The following LIPJ variants were observed in gnomAD, a reference collection of about 807,000 sequenced individuals.
LIPJ encodes the protein lipase member J.
LIPJ carries 33 observed loss-of-function variants against 39.8 expected under a neutral mutation model. The observed-to-expected ratio is 0.83, with a 90% confidence interval of 0.63 to 1.11. The LOEUF is 1.11. Ranked by LOEUF, LIPJ falls within the 50% of genes least tolerant of loss-of-function variation. The pLI, the probability that LIPJ is intolerant of heterozygous loss-of-function variation, is 0.00. For missense variants in LIPJ, 422 were observed against 427.9 expected, an observed-to-expected ratio of 0.99 and a Z score of 0.12; for synonymous variants, 128 against 139.2, an observed-to-expected ratio of 0.92 and a Z score of 0.57.
Position 88,596,272 on chromosome 10 carries a change from T to A in LIPJ, c.440-8T>A. Reference sequence around the variant, plus strand: ...TAGCTTACTAATTTATATCTTATTTTATTTTAGGTTTCATAACATTTTCTA... The same window carrying A: ...TAGCTTACTAATTTATATCTTATTTAATTTTAGGTTTCATAACATTTTCTA... On this transcript the variant is annotated splice_polypyrimidine_tract_variant and splice_region_variant and intron_variant, in intron 6 of 10. Transcript: ENST00000371939. 1 of 1,347,530 alleles carries A rather than the reference T, an allele frequency of 7.4e-7. No individual in the cohort carries two copies. Among genetic ancestry groups the A allele is most frequent in the Non-Finnish European group, 9.8e-7 (1 of 1,019,212 alleles). 83.5% of individuals were successfully genotyped at this position (1,347,530 alleles called of 1,614,324 possible). A position where few individuals can be genotyped will look rare whatever the true frequency, so the allele number is the denominator to read the frequency against.
intron 1 of LIPJ, 76 bp downstream of exon 1, chr10:88,586,921 T>A (rs1850933041): frequency 6.6e-6 from 1 of 152,210 alleles, no homozygotes; most frequent in Non-Finnish European, 1.5e-5. Context: ...TGTCTTCTTT[T>A]GAGACCTAAC....
chr10:88,617,183 G>A, the LIPJ span, among the ~76,000 whole-genome samples: 4 of 152,112 alleles, frequency 2.6e-5, no homozygotes, highest in South Asian at 2.1e-4. Flanking sequence ...TTCAAAGCCC[G>A]GCTGAGCCAT....
At chr10:88,599,643 A>G (rs1426534982) in intron 8 of LIPJ, among the ~76,000 whole-genome samples, 1 of 151,514 alleles carries the variant, frequency 6.6e-6, no homozygotes, top group Non-Finnish European at 1.5e-5. Context: ...CACAGTGTGT[A>G]TGTATGTATA....
At chr10:88,596,281 T>C in exon 7 of LIPJ, 1 of 1,405,178 alleles carries the variant, frequency 7.1e-7, no homozygotes, top group Non-Finnish European at 9.5e-7. Context: ...TTATTTTAGG[T>C]TTCATAACAT....
At chr10:88,620,751 T>TTAAAAAC in the LIPJ span, among the ~76,000 whole-genome samples, 14 of 152,164 alleles carry the variant, frequency 9.2e-5, no homozygotes, top group Non-Finnish European at 1.9e-4. Flanking sequence ...TCTTACAAAG[T>TTAAAAAC]TAAAAACACA....
intron 1 of LIPJ, 138 bp downstream of exon 1, chr10:88,586,983 G>C (rs1291863169): frequency 6.6e-6 from 1 of 151,576 alleles, no homozygotes; most frequent in African/African-American, 2.4e-5. Context: ...AGTCATTATA[G>C]ACTGCATAGT....
chr10:88,616,942 G>A, the LIPJ span, among the ~76,000 whole-genome samples: 2 of 152,158 alleles, frequency 1.3e-5, no homozygotes, highest in Admixed American at 1.3e-4. Context: ...TTGGTCCCCA[G>A]TGTGTAAGTG....
chr10:88,583,623 T>C, upstream of LIPJ: 1 of 990,092 alleles, frequency 1.0e-6, no homozygotes, highest in Non-Finnish European at 1.2e-6. Context: ...GATTTGAAAG[T>C]GGGAAGAAGA....
At chr10:88,609,036 G>A (rs989463700), downstream of LIPJ, among the ~76,000 whole-genome samples, 1 of 152,164 alleles carries the variant, frequency 6.6e-6, no homozygotes, top group Non-Finnish European at 1.5e-5. Flanking sequence ...TGAGCCGCTT[G>A]TTCAGGCCTG....
intron 8 of LIPJ, among the ~76,000 whole-genome samples, chr10:88,601,521 CT>C (rs1232003758): frequency 5.3e-5 from 8 of 152,176 alleles, no homozygotes; most frequent in African/African-American, 1.9e-4. Context: ...ATTTCTGTTT[CT>C]TCTGCCCAGC....
At chr10:88,621,550 G>T in the LIPJ span, among the ~76,000 whole-genome samples, 2 of 152,266 alleles carry the variant, frequency 1.3e-5, no homozygotes, top group African/African-American at 4.8e-5. Context: ...AGAATTTCTT[G>T]TGGCAAAGTA....
At chr10:88,599,040 G>A (rs1445784057) in intron 8 of LIPJ, among the ~76,000 whole-genome samples, 1 of 144,346 alleles carries the variant, frequency 6.9e-6, no homozygotes, top group African/African-American at 2.6e-5. Context: ...ATATATAGAG[G>A]ACATGATAAA....
exon 3 of LIPJ, chr10:88,590,597 G>T (rs966106473): frequency 7.9e-6 from 8 of 1,009,446 alleles, no homozygotes; most frequent in Non-Finnish European, 4.7e-6. Context: ...CCCAAACGTG[G>T]TATCTTTTCA....
chr10:88,603,173 T>C (rs1337496477), intron 9 of LIPJ, among the ~76,000 whole-genome samples: 1 of 152,146 alleles, frequency 6.6e-6, no homozygotes, highest in African/African-American at 2.4e-5. Context: ...AATATAAATA[T>C]CAGTTTTACA....
chr10:88,609,697 G>A (rs1021190083), downstream of LIPJ, among the ~76,000 whole-genome samples: 5 of 151,944 alleles, frequency 3.3e-5, no homozygotes, highest in South Asian at 8.3e-4. Context: ...TCAAGAGATC[G>A]GGACCATCCT....
chr10:88,614,236 T>A, the LIPJ span, among the ~76,000 whole-genome samples: 1 of 152,062 alleles, frequency 6.6e-6, no homozygotes, highest in East Asian at 1.9e-4. Context: ...TATGGTGAAA[T>A]ATTTACAAAA....
intron 8 of LIPJ, 31 bp downstream of exon 8, chr10:88,596,967 AT>A: frequency 8.2e-7 from 1 of 1,223,540 alleles, no homozygotes; most frequent in South Asian, 1.4e-5. Flanking sequence ...AAATATATAT[AT>A]TTTCCAATAT....
the LIPJ span, among the ~76,000 whole-genome samples, chr10:88,613,800 A>ATATATATATATATATATATGTGTG: frequency 9.7e-4 from 72 of 74,098 alleles, no homozygotes; most frequent in Middle Eastern, 7.2e-3. Context: ...ATATATATAT[A>ATATATATATATATATATATGTGTG]TGTGTGTGTG....
chr10:88,612,705 C>G, the LIPJ span, among the ~76,000 whole-genome samples: 3 of 152,036 alleles, frequency 2.0e-5, no homozygotes, highest in Non-Finnish European at 4.4e-5. Flanking sequence ...AATATATACG[C>G]ACCTTACACT....
Sources: allele counts gnomAD v4.1 joint callset (sites outside exome capture counted in the v4.1 genomes callset), GRCh38; gene constraint gnomAD v4.1.1; transcripts MANE v1.5; gene names NCBI Gene and HGNC (gene_info 2026-07-23, HGNC 2026-07-21).